KCNIP1: variants seen among roughly 807,000 people sequenced by gnomAD.
The protein encoded by KCNIP1 is A-type potassium channel modulatory protein KCNIP1.
Under a neutral mutation model 33.0 loss-of-function variants are expected in KCNIP1, and 18 were observed. The observed-to-expected ratio is 0.55, with a 90% CI of 0.38 to 0.81. KCNIP1 has a LOEUF of 0.81. Among genes scored for constraint, KCNIP1 ranks in the 30% least tolerant of loss-of-function variants. KCNIP1 has a pLI of 0.00. For missense variants in KCNIP1, 238 were observed against 271.6 expected (o/e 0.88, Z 0.87); for synonymous variants, 93 against 98.3 (o/e 0.95, Z 0.32).
chr5:170,668,526 A>C (rs972697041), intron 1 of KCNIP1, among the ~76,000 whole-genome samples: 3 of 152,326 alleles, frequency 2.0e-5, no homozygotes, highest in African/African-American at 7.2e-5. Flanking sequence ...TCTTGACCAG[A>C]TCAGTAATTG....
chr5:170,486,271 C>T (rs1245127385), intron 1 of KCNIP1: 1 of 152,162 alleles, frequency 6.6e-6, no homozygotes, highest in Non-Finnish European at 1.5e-5. Flanking sequence ...GACATCAGGC[C>T]CTGTTTTCAT....
chr5:170,589,165 C>CT (rs1561703289), intron 1 of KCNIP1, among the ~76,000 whole-genome samples: 1 of 151,768 alleles, frequency 6.6e-6, no homozygotes, highest in Non-Finnish European at 1.5e-5. Context: ...ACCTGGCTAA[C>CT]TTTTTTTGTA....
rs77272716 is a variant in KCNIP1, at chr5:170,469,924, T to C, written c.88+115960T>C. Among the ~76,000 whole-genome samples the C allele has an allele frequency of 4.8e-3, 732 of 152,270 alleles. 7 individuals carry two copies. Among genetic ancestry groups the C allele is most frequent in the African/African-American group, 0.016 (675 of 41,560 alleles). On this transcript the variant is annotated intron_variant, in intron 1 of 7. Transcript: ENST00000377360. The stretch of plus-strand genomic sequence containing the variant: ...AAATAACAATTCTTTCAATAGAGCT[T>C]TTCTCTCTTTCTTAATAAGAGATAG...
At chr5:170,470,614 G>T (rs998813895) in intron 1 of KCNIP1, among the ~76,000 whole-genome samples, 4 of 152,216 alleles carry the variant, frequency 2.6e-5, no homozygotes, top group Non-Finnish European at 5.9e-5. Flanking sequence ...TAAAGGTAGA[G>T]GGGGAGAGGT....
chr5:170,519,619 A>G (rs886806725), intron 1 of KCNIP1, among the ~76,000 whole-genome samples: 2 of 152,192 alleles, frequency 1.3e-5, no homozygotes, highest in African/African-American at 4.8e-5. Flanking sequence ...GAGGCAGCAC[A>G]GGACAGGAGG....
intron 1 of KCNIP1, among the ~76,000 whole-genome samples, chr5:170,689,411 T>C (rs779853947): frequency 1.3e-5 from 2 of 152,198 alleles, no homozygotes; most frequent in Non-Finnish European, 2.9e-5. Flanking sequence ...AACAACTTTA[T>C]GAGGAAGATA....
At chr5:170,361,160 G>A (rs1244477018) in intron 1 of KCNIP1, among the ~76,000 whole-genome samples, 2 of 152,236 alleles carry the variant, frequency 1.3e-5, no homozygotes, top group Admixed American at 6.5e-5. Context: ...TGAGGCGGCG[G>A]TTCTTCCCCG....
chr5:170,360,959 C>G (rs1763496572), intron 1 of KCNIP1, among the ~76,000 whole-genome samples: 1 of 152,256 alleles, frequency 6.6e-6, no homozygotes, highest in Non-Finnish European at 1.5e-5. Context: ...CTCCCTATCT[C>G]CCTTGTCTGA....
chr5:170,378,854 G>T (rs374179746), intron 1 of KCNIP1: 3 of 1,614,132 alleles, frequency 1.9e-6, no homozygotes, highest in African/African-American at 1.3e-5. Context: ...CGCTGGTTTC[G>T]TTCCCCCGAG....
At chr5:170,569,613 A>G (rs372080077) in intron 1 of KCNIP1, among the ~76,000 whole-genome samples, 12 of 152,296 alleles carry the variant, frequency 7.9e-5, no homozygotes, top group East Asian at 3.9e-4. Flanking sequence ...GCTTTGCGGC[A>G]TGCCACCGTA....
intron 1 of KCNIP1, among the ~76,000 whole-genome samples, chr5:170,405,079 A>C (rs1020556197): frequency 1.3e-5 from 2 of 152,248 alleles, no homozygotes; most frequent in African/African-American, 4.8e-5. Context: ...TCAACCAGGC[A>C]TAAATGGTTT....
intron 1 of KCNIP1, among the ~76,000 whole-genome samples, chr5:170,695,143 G>A (rs1381045948): frequency 2.0e-5 from 3 of 151,936 alleles, no homozygotes; most frequent in East Asian, 1.9e-4. Context: ...GTCACCTCCC[G>A]ATCCCCTTCT....
intron 1 of KCNIP1, among the ~76,000 whole-genome samples, chr5:170,653,326 G>A (rs191719624): frequency 6.6e-6 from 1 of 152,286 alleles, no homozygotes; most frequent in East Asian, 1.9e-4. Flanking sequence ...GATCAGCTCA[G>A]TGTCCTTGGA....
intron 1 of KCNIP1, among the ~76,000 whole-genome samples, chr5:170,667,516 G>C (rs1331051080): frequency 6.6e-6 from 1 of 152,164 alleles, no homozygotes; most frequent in Non-Finnish European, 1.5e-5. Context: ...GACTGAGTTG[G>C]GAACTGTGTC....
intron 1 of KCNIP1, among the ~76,000 whole-genome samples, chr5:170,613,122 C>T (rs1266246778): frequency 2.6e-5 from 4 of 152,224 alleles, no homozygotes; most frequent in African/African-American, 9.6e-5. Flanking sequence ...CTGTCTCCAC[C>T]TGGCATATGC....
intron 1 of KCNIP1, among the ~76,000 whole-genome samples, chr5:170,519,612 G>C (rs931091226): frequency 6.6e-6 from 1 of 152,158 alleles, no homozygotes; most frequent in African/African-American, 2.4e-5. Flanking sequence ...TGTCTCCGAG[G>C]CAGCACAGGA....
At chr5:170,370,350 A>G (rs1763812288) in intron 1 of KCNIP1, among the ~76,000 whole-genome samples, 2 of 152,254 alleles carry the variant, frequency 1.3e-5, no homozygotes. Flanking sequence ...AAACACTGTG[A>G]GGCTCACTTT....
chr5:170,640,838 C>T (rs919942379), intron 1 of KCNIP1, among the ~76,000 whole-genome samples: 1 of 152,162 alleles, frequency 6.6e-6, no homozygotes, highest in African/African-American at 2.4e-5. Flanking sequence ...TCACAGAAGG[C>T]AGGCTTGGCA....
chr5:170,634,011 G>A (rs1288080060), intron 1 of KCNIP1, among the ~76,000 whole-genome samples: 1 of 152,178 alleles, frequency 6.6e-6, no homozygotes, highest in Non-Finnish European at 1.5e-5. Context: ...CAGTGCCAGT[G>A]GTGAGAGGGA....
Sources: allele counts gnomAD v4.1 joint callset (sites outside exome capture counted in the v4.1 genomes callset), GRCh38; gene constraint gnomAD v4.1.1; transcripts MANE v1.5; gene names NCBI Gene and HGNC (gene_info 2026-07-23, HGNC 2026-07-21).